Variants in HIVEP3 observed in about 807,000 individuals in gnomAD.
HIVEP3 encodes the protein transcription factor HIVEP3.
In HIVEP3, 49 loss-of-function variants were observed where a neutral mutation model predicts 152.8. The ratio of observed to expected loss-of-function variants is 0.32; its 90% CI spans 0.26 to 0.41. HIVEP3 has a LOEUF of 0.41. HIVEP3 is among the 10% of genes least tolerant of loss of function. The probability of loss-of-function intolerance (pLI) is 1.00; values close to 1 mark genes in which losing one functional copy is unlikely to be tolerated. For synonymous variants in HIVEP3, 1,269 were observed against 1,289.0 expected (o/e 0.98, Z 0.33); for missense variants, 2,790 against 3,103.3 (o/e 0.90, Z 2.40).
At chr1:41,941,327 A>C (rs1275453040) in intron 1 of HIVEP3, among the ~76,000 whole-genome samples, 4 of 152,198 alleles carry the variant, frequency 2.6e-5, no homozygotes, top group Non-Finnish European at 4.4e-5. Flanking sequence ...CATTGATGGC[A>C]CTGGAAGACG....
In HIVEP3 at chr1:41,623,630, G is replaced by A. The variant is rs577449527; in HGVS notation, c.-522+5119C>T. Among the ~76,000 whole-genome samples the A allele has an allele frequency of 5.9e-5, 9 of 152,316 alleles. No homozygotes were observed. In the East Asian group the frequency reaches 1.7e-3, roughly 29 times the overall value. ...TGAGTGAAGGGCAGGTGGCCTGGGA[G>A]TCAGGACTCCTGGGTTTCATTCCTG... On this transcript the variant is annotated intron_variant, in intron 3 of 8. Transcript: ENST00000372583.
At chr1:41,762,300 T>C (rs1486653861) in intron 1 of HIVEP3, among the ~76,000 whole-genome samples, 1 of 152,164 alleles carries the variant, frequency 6.6e-6, no homozygotes, top group Non-Finnish European at 1.5e-5. Flanking sequence ...GTCAGTGTAA[T>C]CTCATTCTTC....
Position 41,884,709 on chromosome 1 carries a change from G to C in HIVEP3, c.-801+33704C>G, listed in dbSNP as rs185409468. Among the ~76,000 whole-genome samples, 66 of 152,338 alleles carry C rather than the reference G, an allele frequency of 4.3e-4. 2 individuals are homozygous for C. The East Asian group carries it at 0.012, about 28-fold the overall frequency. On this transcript the variant is annotated intron_variant, in intron 1 of 8. Transcript: ENST00000372583. Reference sequence around the variant, plus strand: ...AGCAGAGCTGAGAGAGATTTAGCTTGTGCTGGGTTCTAACAGTGGCTCCTT... The same window carrying C: ...AGCAGAGCTGAGAGAGATTTAGCTTCTGCTGGGTTCTAACAGTGGCTCCTT...
At chr1:41,750,642 C>T (rs1392767822) in intron 1 of HIVEP3, among the ~76,000 whole-genome samples, 1 of 151,644 alleles carries the variant, frequency 6.6e-6, no homozygotes, top group Non-Finnish European at 1.5e-5. Context: ...ACTCAAGACC[C>T]TTGAAAATCT....
intron 1 of HIVEP3, among the ~76,000 whole-genome samples, chr1:41,780,451 G>A (rs1218395610): frequency 6.6e-6 from 1 of 152,208 alleles, no homozygotes; most frequent in East Asian, 1.9e-4. Flanking sequence ...GCAGGGCAGG[G>A]CAAGGATTGT....
At chr1:41,856,775 C>T (rs924815761) in intron 1 of HIVEP3, among the ~76,000 whole-genome samples, 6 of 152,198 alleles carry the variant, frequency 3.9e-5, no homozygotes, top group Admixed American at 2.0e-4. Flanking sequence ...TTGTTGACGG[C>T]GCTGAAGCTT....
chr1:41,989,405 T>C (rs1373318949), intron 1 of HIVEP3, among the ~76,000 whole-genome samples: 1 of 152,150 alleles, frequency 6.6e-6, no homozygotes, highest in Non-Finnish European at 1.5e-5. Flanking sequence ...CAAGGAATCA[T>C]AGAGCAATCT....
intron 1 of HIVEP3, among the ~76,000 whole-genome samples, chr1:42,025,585 G>T (rs771122839): frequency 6.6e-6 from 1 of 152,184 alleles, no homozygotes; most frequent in Non-Finnish European, 1.5e-5. Flanking sequence ...ATTTCTGACT[G>T]TACTGCTCAT....
At chr1:41,721,912 G>A (rs1057068744) in intron 1 of HIVEP3, among the ~76,000 whole-genome samples, 4 of 152,176 alleles carry the variant, frequency 2.6e-5, no homozygotes, top group Non-Finnish European at 4.4e-5. Context: ...GCTAGTGAGC[G>A]TGATCCACTC....
intron 2 of HIVEP3, among the ~76,000 whole-genome samples, chr1:41,657,385 T>C (rs781112275): frequency 3.3e-5 from 5 of 152,132 alleles, no homozygotes; most frequent in Admixed American, 6.5e-5. Flanking sequence ...CAGCTCTCCA[T>C]GGAGCAATGG....
At chr1:41,726,817 AC>A (rs1283418985) in intron 1 of HIVEP3, among the ~76,000 whole-genome samples, 1 of 152,218 alleles carries the variant, frequency 6.6e-6, no homozygotes, top group Non-Finnish European at 1.5e-5. Context: ...GAGCTGTCGA[AC>A]AATGGAGGGC....
intron 1 of HIVEP3, among the ~76,000 whole-genome samples, chr1:41,806,860 G>GA (rs1469215232): frequency 6.6e-6 from 1 of 152,104 alleles, no homozygotes; most frequent in East Asian, 1.9e-4. Context: ...AGGTCAAGAC[G>GA]ACAGGACTGA....
At chr1:41,812,652 G>T (rs1244402035) in intron 1 of HIVEP3, among the ~76,000 whole-genome samples, 1 of 149,766 alleles carries the variant, frequency 6.7e-6, no homozygotes, top group African/African-American at 2.4e-5. Context: ...CCTGGGAAGG[G>T]AAATTAGCAA....
At chr1:41,670,169 T>A (rs1645853472) in intron 2 of HIVEP3, among the ~76,000 whole-genome samples, 1 of 152,178 alleles carries the variant, frequency 6.6e-6, no homozygotes. Flanking sequence ...TACCTCACAC[T>A]TATTTGGGTA....
At chr1:41,761,596 ATG>A (rs1366593957) in intron 1 of HIVEP3, among the ~76,000 whole-genome samples, 9 of 152,160 alleles carry the variant, frequency 5.9e-5, no homozygotes, top group South Asian at 4.1e-4. Context: ...GTATGTGTGC[ATG>A]TGTGTGTTAT....
At chr1:41,858,667 G>T (rs1187087476) in intron 1 of HIVEP3, among the ~76,000 whole-genome samples, 1 of 152,214 alleles carries the variant, frequency 6.6e-6, no homozygotes, top group Non-Finnish European at 1.5e-5. Flanking sequence ...TTTCCATAGA[G>T]CTTACAATCC....
intron 1 of HIVEP3, among the ~76,000 whole-genome samples, chr1:41,875,626 C>T (rs989540484): frequency 4.6e-5 from 7 of 152,230 alleles, no homozygotes; most frequent in Non-Finnish European, 7.3e-5. Context: ...CCCCGAGCTT[C>T]AGGACACTCC....
intron 1 of HIVEP3, among the ~76,000 whole-genome samples, chr1:41,819,865 T>C (rs923163998): frequency 2.0e-5 from 3 of 152,214 alleles, no homozygotes; most frequent in South Asian, 2.1e-4. Flanking sequence ...CAGGATTTTA[T>C]ATAAATGCTT....
intron 1 of HIVEP3, among the ~76,000 whole-genome samples, chr1:41,853,065 G>A (rs946892771): frequency 6.6e-6 from 1 of 152,166 alleles, no homozygotes; most frequent in Non-Finnish European, 1.5e-5. Context: ...GGAGGCATGT[G>A]GGGAATAAAG....
Sources: allele counts gnomAD v4.1 joint callset (sites outside exome capture counted in the v4.1 genomes callset), GRCh38; gene constraint gnomAD v4.1.1; transcripts MANE v1.5; gene names NCBI Gene and HGNC (gene_info 2026-07-23, HGNC 2026-07-21).